Variants in NTM observed in about 807,000 individuals in gnomAD.
The protein encoded by NTM is neurotrimin, also known as IgLON family member 2.
Under a neutral mutation model 42.1 loss-of-function variants are expected in NTM, and 13 were observed. That is an observed-to-expected ratio of 0.31 (90% confidence interval 0.20 to 0.49). The LOEUF is 0.49. NTM is among the 20% of genes least tolerant of loss of function. The pLI, the probability that NTM is intolerant of heterozygous loss-of-function variation, is 0.99. For missense variants in NTM, 373 were observed against 452.8 expected (o/e 0.82, Z 1.60); for synonymous variants, 187 against 179.2 (o/e 1.04, Z -0.35).
intron 1 of NTM, among the ~76,000 whole-genome samples, chr11:131,674,418 T>C (rs1249796758): frequency 6.6e-6 from 1 of 152,202 alleles, no homozygotes; most frequent in Admixed American, 6.5e-5. Flanking sequence ...ACGTCCTTAG[T>C]GTGTCTTGGC....
intron 7 of NTM, among the ~76,000 whole-genome samples, chr11:132,320,812 T>C (rs377608229): frequency 0.017 from 2,531 of 150,852 alleles, 44 homozygotes; most frequent in African/African-American, 0.051. Flanking sequence ...GTTCTCCCAG[T>C]ACGCAGCTGG....
rs555908697 is a variant in NTM at position 131,522,183 on chromosome 11, G to A, written c.82+151295G>A. ...GGGATCTCTTCCCCTCCCAGACTTA[G>A]CATCCCCGGCTGACTTTTGAGTGAG... On this transcript the variant is annotated intron_variant, in intron 1 of 8. Coordinates refer to ENST00000683400, the MANE Select transcript of NTM (RefSeq NM_001352005.2). Among the ~76,000 whole-genome samples the A allele has an allele frequency of 5.3e-5, 8 of 152,124 alleles. No individual in the cohort carries two copies. In the East Asian group the frequency reaches 1.6e-3, roughly 29 times the overall value.
intron 1 of NTM, among the ~76,000 whole-genome samples, chr11:131,789,120 T>C (rs1414294186): frequency 6.6e-6 from 1 of 152,044 alleles, no homozygotes; most frequent in Admixed American, 6.6e-5. Context: ...GAGTCTAGTA[T>C]TGCAGTCCTT....
chr11:131,743,849 T>G (rs1286324592), intron 1 of NTM, among the ~76,000 whole-genome samples: 1 of 152,246 alleles, frequency 6.6e-6, no homozygotes, highest in African/African-American at 2.4e-5. Flanking sequence ...TTGTATCCAG[T>G]ACAATTCCCC....
At chr11:131,823,535 G>T (rs532529511) in intron 1 of NTM, among the ~76,000 whole-genome samples, 1 of 152,040 alleles carries the variant, frequency 6.6e-6, no homozygotes, top group South Asian at 2.1e-4. Flanking sequence ...TTCTATATCT[G>T]GCTTTTGTTC....
At chr11:131,784,174 CAT>C (rs2088699956) in intron 1 of NTM, among the ~76,000 whole-genome samples, 1 of 152,136 alleles carries the variant, frequency 6.6e-6, no homozygotes, top group Non-Finnish European at 1.5e-5. Flanking sequence ...GTCAAATTCT[CAT>C]ATATTGCTGG....
At chr11:132,148,341 C>G (rs755855787) in intron 3 of NTM, among the ~76,000 whole-genome samples, 4 of 151,978 alleles carry the variant, frequency 2.6e-5, no homozygotes, top group Admixed American at 2.6e-4. Flanking sequence ...GCCAAAAATG[C>G]TTGAGAATCT....
chr11:132,081,358 G>C (rs941362597), intron 2 of NTM, among the ~76,000 whole-genome samples: 10 of 152,266 alleles, frequency 6.6e-5, no homozygotes, highest in Admixed American at 2.0e-4. Flanking sequence ...CTGATTGTGG[G>C]TTCCAGTAGT....
chr11:131,493,477 T>C (rs1202604119), intron 1 of NTM, among the ~76,000 whole-genome samples: 1 of 152,138 alleles, frequency 6.6e-6, no homozygotes, highest in African/African-American at 2.4e-5. Context: ...TGGCCATTCA[T>C]AAAGGGGAAA....
chr11:131,910,289 C>T (rs1163920493), intron 1 of NTM, among the ~76,000 whole-genome samples: 15 of 152,160 alleles, frequency 9.9e-5, no homozygotes, highest in Admixed American at 8.5e-4. Flanking sequence ...GTTCCTTTCC[C>T]AGTTAATTAG....
intron 1 of NTM, among the ~76,000 whole-genome samples, chr11:131,904,645 G>A (rs2053610338): frequency 6.6e-6 from 1 of 152,214 alleles, no homozygotes; most frequent in Non-Finnish European, 1.5e-5. Context: ...AGGGCTTAAA[G>A]GCTTATGGTA....
rs111371952 is a variant in NTM, at chr11:132,057,931, A to G, written c.168-88351A>G. On this transcript the variant is annotated intron_variant, in intron 2 of 8. Transcript: ENST00000683400. ...CATTGCCCAGTGGCTTCTCATTTCC[A>G]AGATCTCTACTTGGGTCCTTTTTCA... Among the ~76,000 whole-genome samples, 327 of 152,034 alleles carry G rather than the reference A, an allele frequency of 2.2e-3. 2 individuals carry two copies. Among genetic ancestry groups the G allele is most frequent in the African/African-American group, 7.6e-3 (313 of 41,436 alleles).
At chr11:131,380,458 G>A (rs531091741) in intron 1 of NTM, among the ~76,000 whole-genome samples, 13 of 152,120 alleles carry the variant, frequency 8.5e-5, no homozygotes, top group East Asian at 3.9e-4. Flanking sequence ...TGATCCGCCC[G>A]CCTCAGCCTC....
chr11:131,688,172 G>A lies in NTM; in HGVS notation c.83-223392G>A, dbSNP rs1452320711. Among the ~76,000 whole-genome samples, 3 of 152,074 alleles carry A rather than the reference G, an allele frequency of 2.0e-5. No homozygotes were observed. In the East Asian group the frequency reaches 5.8e-4, roughly 30 times the overall value. ...CAGCTCCCCAGAACGGCCACCGGAGGGCACCCGCGCCCCCCGAGCCGCGAG... is the reference window on the plus strand; with the variant it reads ...CAGCTCCCCAGAACGGCCACCGGAGAGCACCCGCGCCCCCCGAGCCGCGAG... On this transcript the variant is annotated intron_variant, in intron 1 of 8. Transcript: ENST00000683400.
chr11:132,162,037 A>G (rs1435874566), intron 3 of NTM, among the ~76,000 whole-genome samples: 2 of 152,178 alleles, frequency 1.3e-5, no homozygotes, highest in Admixed American at 1.3e-4. Flanking sequence ...ACTAGGTTTC[A>G]GGTGTCTTTC....
intron 3 of NTM, among the ~76,000 whole-genome samples, chr11:132,186,945 G>A (rs1351857562): frequency 6.6e-6 from 1 of 152,118 alleles, no homozygotes; most frequent in African/African-American, 2.4e-5. Flanking sequence ...TTTCAGAGGG[G>A]GTTTGTGGCA....
intron 1 of NTM, among the ~76,000 whole-genome samples, chr11:131,470,551 A>G (rs1257665216): frequency 6.6e-6 from 1 of 152,312 alleles, no homozygotes; most frequent in African/African-American, 2.4e-5. Flanking sequence ...TGGGAGAGGA[A>G]AGTGAGATAG....
chr11:132,087,891 A>G (rs954883975), intron 2 of NTM, among the ~76,000 whole-genome samples: 1 of 152,212 alleles, frequency 6.6e-6, no homozygotes, highest in African/African-American at 2.4e-5. Context: ...GTGGATGTGG[A>G]TGCATAGTGG....
intron 1 of NTM, among the ~76,000 whole-genome samples, chr11:131,640,385 G>A (rs1242024350): frequency 6.6e-6 from 1 of 152,276 alleles, no homozygotes; most frequent in African/African-American, 2.4e-5. Flanking sequence ...GCCTTTGTTC[G>A]TTCTTACCTG....
Sources: gnomAD v4.1 joint callset for allele counts (sites outside exome capture counted in the v4.1 genomes callset) on GRCh38, gnomAD v4.1.1 for gene constraint, MANE v1.5 for transcripts, NCBI Gene and HGNC (gene_info 2026-07-23, HGNC 2026-07-21) for gene names.